The following NUP54 variants were observed in gnomAD, a reference collection of about 807,000 sequenced individuals.
NUP54 encodes the protein nucleoporin p54.
In NUP54, 27 loss-of-function variants were observed where a neutral mutation model predicts 66.4. That is an observed-to-expected ratio of 0.41 (90% CI 0.30 to 0.56). NUP54 has a LOEUF of 0.56. Among genes scored for constraint, NUP54 ranks in the 20% least tolerant of loss-of-function variants. The pLI, the probability that NUP54 is intolerant of heterozygous loss-of-function variation, is 0.34. For missense variants in NUP54, 486 were observed against 596.3 expected (o/e 0.82, Z 1.93); for synonymous variants, 206 against 210.7 (o/e 0.98, Z 0.19).
chr4:76,133,312 G>T (rs1422324362), intron 5 of NUP54, among the ~76,000 whole-genome samples: 3 of 147,092 alleles, frequency 2.0e-5, no homozygotes, highest in Admixed American at 6.8e-5. Flanking sequence ...GATAGTATTT[G>T]TTTTTTTTTT....
chr4:76,147,341 T>G (rs1349926410), intron 1 of NUP54: 2 of 475,326 alleles, frequency 4.2e-6, no homozygotes, highest in Non-Finnish European at 3.3e-6. Context: ...TTGATACAGA[T>G]GTTTTTGATT....
intron 8 of NUP54, among the ~76,000 whole-genome samples, chr4:76,126,371 T>C (rs1455641431): frequency 1.3e-5 from 2 of 152,210 alleles, no homozygotes; most frequent in East Asian, 3.8e-4. Flanking sequence ...AAGAAAGAGG[T>C]TAAGATTGTG....
At position 76,116,181 on chromosome 4, in the gene NUP54, CTATT is replaced by C. The variant is rs1729943409; in HGVS notation, c.1396-691_1396-688del. Among the ~76,000 whole-genome samples the C allele has an allele frequency of 2.0e-5, 3 of 152,240 alleles. No homozygotes were observed. In the South Asian group the frequency reaches 6.2e-4, roughly 32 times the overall value. Reference sequence around the variant, plus strand: ...CCCAGTTTTATTGCATATATCAACTCTATTTAATACAACTATTTATTTCAATATA... The same window carrying C: ...CCCAGTTTTATTGCATATATCAACTCTAATACAACTATTTATTTCAATATA... On this transcript the variant is annotated intron_variant, in intron 11 of 11. Transcript: ENST00000264883.
intron 8 of NUP54, among the ~76,000 whole-genome samples, chr4:76,126,852 C>A (rs1281946818): frequency 3.9e-5 from 6 of 152,098 alleles, no homozygotes; most frequent in Non-Finnish European, 7.4e-5. Context: ...ATAATTCTAG[C>A]ATTCTGACAA....
rs1257304811 is a variant in NUP54, at chr4:76,144,171, A to G, written c.273T>C (p.Asn91=). ...LGTGLGFGGF[N]TQQQQQTTLG... is the part of the protein sequence containing the mutation. ...TACTAGTTTGCTGCTGCTGCTGTGT[A>G]TTAAATCCTCCAAATCCCAGTCCAG... Residue 91 remains asparagine (N), a synonymous_variant, in exon 3 of 12, where the codon AAT becomes AAC. Transcript: ENST00000264883. 6.3e-7 allele frequency: 1 copy of G among 1,595,660 alleles called. No homozygotes were observed. The highest frequency in any genetic ancestry group is 8.6e-7 in the Non-Finnish European group (1 of 1,165,400).
intron 11 of NUP54, among the ~76,000 whole-genome samples, chr4:76,116,818 A>AC (rs1301505023): frequency 6.6e-6 from 1 of 152,148 alleles, no homozygotes; most frequent in African/African-American, 2.4e-5. Flanking sequence ...TGCGGCTACT[A>AC]CCTACACTTT....
chr4:76,136,278 G>A lies in NUP54; in HGVS notation c.430C>T (p.Leu144=), dbSNP rs1200658063. The change falls in exon 4 of 12, where the codon CTG becomes TTG. Residue 144 remains leucine (L), a synonymous_variant. Transcript: ENST00000264883. The stretch of plus-strand genomic sequence containing the variant: ...TTTCCTGTTCCCCAAAAGGCCTGCA[G>A]TTGATTCCATTTTGCCAAAATAGCA... ...RDAILAKWNQ[L]QAFWGTGKGY... The A allele has an allele frequency of 1.2e-6, 2 of 1,613,996 alleles. No individual in the cohort carries two copies. The highest frequency in any genetic ancestry group is 3.3e-5 in the Admixed American group (2 of 60,000).
chr4:76,134,517 G>C (rs912504005), intron 4 of NUP54, among the ~76,000 whole-genome samples, 155 bp from the exon 5 acceptor site: 5 of 152,074 alleles, frequency 3.3e-5, no homozygotes, highest in Admixed American at 6.5e-5. Context: ...TGTGCCCTAG[G>C]AGGTCACAAA....
chr4:76,115,859 T>A (rs1729928902), intron 11 of NUP54, among the ~76,000 whole-genome samples: 1 of 152,188 alleles, frequency 6.6e-6, no homozygotes, highest in Non-Finnish European at 1.5e-5. Context: ...CTGAGAATAT[T>A]CATGTTTTGA....
chr4:76,129,966 GT>G lies in NUP54; in HGVS notation c.1056+689del, dbSNP rs775109047. Among the ~76,000 whole-genome samples the G allele has an allele frequency of 1.5e-3, 86 of 56,858 alleles. 1 individual carries two copies. The highest frequency in any genetic ancestry group is 3.1e-3 in the African/African-American group (44 of 14,068). The allele number at this position is 56,858 out of a possible 152,430, so 37.3% of individuals were successfully genotyped here. A position where few individuals can be genotyped will look rare whatever the true frequency, so the allele number is the denominator to read the frequency against. On this transcript the variant is annotated intron_variant, in intron 8 of 11. Coordinates refer to ENST00000264883, the MANE Select transcript of NUP54 (RefSeq NM_017426.4). ...AATCTTTAAGTATTTAATTATGAAA[GT>G]TTTTTTTTTTTTTTTTTTTTTTTTT...
intron 8 of NUP54, among the ~76,000 whole-genome samples, chr4:76,127,432 CAAAAAAAAAAA>C (rs59383944): frequency 3.7e-5 from 2 of 54,788 alleles, no homozygotes; most frequent in Non-Finnish European, 7.1e-5. Flanking sequence ...ACCCCCATCT[CAAAAAAAAAAA>C]AAAAAAAAAA....
chr4:76,136,386 T>C lies in NUP54; in HGVS notation c.322A>G (p.Thr108Ala). The C allele has an allele frequency of 1.2e-6, 2 of 1,614,024 alleles. No homozygotes were observed. The highest frequency in any genetic ancestry group is 1.7e-6 in the Non-Finnish European group (2 of 1,179,922). Residue 108 changes from threonine to alanine, a missense_variant, in exon 4 of 12, where the codon ACA (threonine) becomes GCA (alanine). Transcript: ENST00000264883. Reference protein sequence around the residue: ...TTLGGLFSQPTQAPTQSNQLI... With the variant: ...TTLGGLFSQPAQAPTQSNQLI... ...TGGTTGGACTGGGTAGGAGCTTGTG[T>C]AGGCTGACTGAAGAGACCACCTAAT...
intron 6 of NUP54, among the ~76,000 whole-genome samples, chr4:76,131,912 A>C (rs770393259): frequency 8.5e-5 from 13 of 152,148 alleles, no homozygotes; most frequent in Non-Finnish European, 1.5e-4. Context: ...TATCCATGGA[A>C]TACTATGCAA....
intron 3 of NUP54, among the ~76,000 whole-genome samples, chr4:76,142,085 C>T (rs943762434): frequency 6.6e-6 from 1 of 151,952 alleles, no homozygotes; most frequent in Non-Finnish European, 1.5e-5. Flanking sequence ...AAAATGAGCC[C>T]CTTTCAATTT....
intron 8 of NUP54, among the ~76,000 whole-genome samples, chr4:76,127,545 C>T (rs4544733): frequency 0.52 from 78,862 of 151,250 alleles, 22,429 homozygotes; most frequent in East Asian, 0.95. Context: ...AAGACTCAAA[C>T]GTGAAAGGTT....
intron 4 of NUP54, among the ~76,000 whole-genome samples, chr4:76,135,916 A>G (rs938035082): frequency 6.6e-6 from 1 of 152,218 alleles, no homozygotes; most frequent in African/African-American, 2.4e-5. Context: ...TACAGGTGCC[A>G]GGCAAACCAT....
intron 8 of NUP54, among the ~76,000 whole-genome samples, chr4:76,129,790 A>G (rs1730700755): frequency 7.0e-6 from 1 of 142,980 alleles, no homozygotes; most frequent in South Asian, 2.4e-4. Context: ...GCGTGAACTC[A>G]GGAGGTGGAG....
intron 6 of NUP54, 134 bp from the exon 7 acceptor site, chr4:76,131,418 T>TA: frequency 1.9e-6 from 1 of 521,644 alleles, no homozygotes; most frequent in African/African-American, 2.0e-5. Flanking sequence ...ATAATCATGG[T>TA]AAAAATACAA....
chr4:76,119,190 G>A (rs1001958304), intron 9 of NUP54, among the ~76,000 whole-genome samples: 1 of 151,886 alleles, frequency 6.6e-6, no homozygotes, highest in African/African-American at 2.4e-5. Flanking sequence ...AAAGCAAAAT[G>A]TACTTGTTAA....
Sources: gnomAD v4.1 joint callset for allele counts (sites outside exome capture counted in the v4.1 genomes callset) on GRCh38, gnomAD v4.1.1 for gene constraint, MANE v1.5 for transcripts, NCBI Gene and HGNC (gene_info 2026-07-23, HGNC 2026-07-21) for gene names.